Variants in LRRTM4 observed in about 807,000 individuals in gnomAD.
LRRTM4 encodes the protein leucine rich repeat transmembrane neuronal 4, also known as leucine-rich repeat transmembrane neuronal protein 4.
LRRTM4 carries 25 observed loss-of-function variants against 47.6 expected under a neutral mutation model. That is an observed-to-expected ratio of 0.53 (90% CI 0.38 to 0.73). LRRTM4 has a LOEUF of 0.73. Ranked by LOEUF, LRRTM4 falls within the 30% of genes least tolerant of loss-of-function variation. The pLI is 0.00. For missense variants in LRRTM4, 638 were observed against 713.4 expected (o/e 0.89, Z 1.20); for synonymous variants, 311 against 269.5 (o/e 1.15, Z -1.51).
rs533721397 is a variant in LRRTM4, at chr2:77,090,892, G to A, written c.1552-341976C>T. Among the ~76,000 whole-genome samples, 6 of 152,128 alleles carry A rather than the reference G, an allele frequency of 3.9e-5. No homozygotes were observed. In the South Asian group the frequency reaches 6.2e-4, roughly 16 times the overall value. ...AGCCCCCTAGACCATCACGGACGCC[G>A]AGCTTCAGGTAACTCTCACAGTGGA... On this transcript the variant is annotated intron_variant, in intron 3 of 3. Transcript: ENST00000409884.
chr2:77,276,621 C>A (rs1478856961), intron 3 of LRRTM4, among the ~76,000 whole-genome samples: 2 of 131,644 alleles, frequency 1.5e-5, no homozygotes, highest in African/African-American at 5.5e-5. Context: ...TTTTATAGAA[C>A]CAAATATAGC....
chr2:77,220,337 C>T (rs578236262), intron 3 of LRRTM4, among the ~76,000 whole-genome samples: 7 of 152,262 alleles, frequency 4.6e-5, no homozygotes, highest in East Asian at 3.9e-4. Context: ...TCACCAGCAA[C>T]GGAACAAAGC....
intron 3 of LRRTM4, among the ~76,000 whole-genome samples, chr2:76,780,903 G>C (rs1674344086): frequency 6.6e-6 from 1 of 151,644 alleles, no homozygotes; most frequent in Non-Finnish European, 1.5e-5. Context: ...ATCTACTTTT[G>C]GTCTTTGATG....
intron 3 of LRRTM4, among the ~76,000 whole-genome samples, chr2:77,293,351 T>A (rs1362860253): frequency 6.6e-6 from 1 of 152,136 alleles, no homozygotes; most frequent in African/African-American, 2.4e-5. Flanking sequence ...ACAGCATGTT[T>A]CAAGCAGTTA....
At chr2:76,940,796 C>T (rs1440907096) in intron 3 of LRRTM4, among the ~76,000 whole-genome samples, 1 of 152,144 alleles carries the variant, frequency 6.6e-6, no homozygotes, top group African/African-American at 2.4e-5. Context: ...CTAACCTGAA[C>T]TCCCTTCTTA....
intron 3 of LRRTM4, among the ~76,000 whole-genome samples, chr2:77,421,696 G>C (rs1281315888): frequency 6.7e-6 from 1 of 150,286 alleles, no homozygotes; most frequent in African/African-American, 2.5e-5. Context: ...GGCAGAGGGA[G>C]ACTCCATCTC....
At chr2:76,964,508 C>G (rs1311213823) in intron 3 of LRRTM4, among the ~76,000 whole-genome samples, 1 of 150,670 alleles carries the variant, frequency 6.6e-6, no homozygotes. Context: ...TTTTCCTGTT[C>G]CTAAGTAAAG....
At chr2:76,752,023 A>G (rs1672867796) in intron 3 of LRRTM4, among the ~76,000 whole-genome samples, 1 of 152,188 alleles carries the variant, frequency 6.6e-6, no homozygotes, top group African/African-American at 2.4e-5. Context: ...AAATTAGCCA[A>G]ATTACTAAAA....
At chr2:76,830,547 T>C (rs1671320839) in intron 3 of LRRTM4, among the ~76,000 whole-genome samples, 1 of 149,700 alleles carries the variant, frequency 6.7e-6, no homozygotes. Flanking sequence ...TGTGTGTGTG[T>C]TTCTGCACTA....
At chr2:77,005,407 T>C (rs1426794536) in intron 3 of LRRTM4, among the ~76,000 whole-genome samples, 3 of 152,178 alleles carry the variant, frequency 2.0e-5, no homozygotes, top group Non-Finnish European at 4.4e-5. Context: ...CCTCCCAAAG[T>C]GCTGGGATTA....
chr2:77,462,989 A>C (rs1306186602), intron 3 of LRRTM4, among the ~76,000 whole-genome samples: 3 of 152,088 alleles, frequency 2.0e-5, no homozygotes, highest in Non-Finnish European at 4.4e-5. Context: ...TGCCAGATTA[A>C]TTATTTGATT....
At chr2:76,822,441 T>TTCGCTAGAATATTTTCATTTA (rs1671079416) in intron 3 of LRRTM4, among the ~76,000 whole-genome samples, 1 of 151,432 alleles carries the variant, frequency 6.6e-6, no homozygotes, top group Non-Finnish European at 1.5e-5. Flanking sequence ...AATTTGTGTT[T>TTCGCTAGAATATTTTCATTTA]CCTAAAGAAA....
At chr2:77,452,589 G>A (rs1048724690) in intron 3 of LRRTM4, among the ~76,000 whole-genome samples, 1 of 152,242 alleles carries the variant, frequency 6.6e-6, no homozygotes, top group African/African-American at 2.4e-5. Context: ...CAACCTGCAC[G>A]TGACACAGGG....
chr2:77,232,661 T>G (rs1278686225), intron 3 of LRRTM4, among the ~76,000 whole-genome samples: 1 of 152,304 alleles, frequency 6.6e-6, no homozygotes, highest in Non-Finnish European at 1.5e-5. Flanking sequence ...ATTTTGCCAA[T>G]AGTATAAATG....
intron 3 of LRRTM4, among the ~76,000 whole-genome samples, chr2:76,844,972 C>G (rs938693839): frequency 1.3e-5 from 2 of 152,010 alleles, no homozygotes; most frequent in African/African-American, 4.8e-5. Context: ...ACAAGTATGG[C>G]AGGATTGCAA....
intron 3 of LRRTM4, among the ~76,000 whole-genome samples, chr2:77,091,346 C>A (rs1440589511): frequency 3.5e-5 from 5 of 142,200 alleles, no homozygotes. Flanking sequence ...CACCCTTACC[C>A]CACTCAACGC....
intron 3 of LRRTM4, among the ~76,000 whole-genome samples, chr2:76,905,145 G>A (rs1196451264): frequency 6.6e-6 from 1 of 152,100 alleles, no homozygotes; most frequent in Non-Finnish European, 1.5e-5. Flanking sequence ...ACTCCTCTGA[G>A]ACAAAACTTC....
intron 3 of LRRTM4, among the ~76,000 whole-genome samples, chr2:77,144,199 G>C (rs1672197138): frequency 6.6e-6 from 1 of 152,092 alleles, no homozygotes; most frequent in Non-Finnish European, 1.5e-5. Context: ...TCTTACACCA[G>C]TCAGTCATTG....
intron 3 of LRRTM4, among the ~76,000 whole-genome samples, chr2:77,088,579 C>T (rs1281418241): frequency 6.6e-6 from 1 of 152,178 alleles, no homozygotes; most frequent in Non-Finnish European, 1.5e-5. Context: ...CGCTGACTCT[C>T]TTTTCGGACT....
Sources: gnomAD v4.1 joint callset for allele counts (sites outside exome capture counted in the v4.1 genomes callset) on GRCh38, gnomAD v4.1.1 for gene constraint, MANE v1.5 for transcripts, NCBI Gene and HGNC (gene_info 2026-07-23, HGNC 2026-07-21) for gene names.